Variants in SLC13A4 observed in about 807,000 individuals in gnomAD.
The protein encoded by SLC13A4 is solute carrier family 13 member 4, also known as Na(+)/sulfate cotransporter SUT-1.
SLC13A4 carries 28 observed loss-of-function variants against 72.7 expected under a neutral mutation model. The ratio of observed to expected loss-of-function variants is 0.39; its 90% CI spans 0.29 to 0.53. The LOEUF (loss-of-function observed/expected upper bound fraction) is 0.53, where lower values mean the gene tolerates loss of function less well. Ranked by LOEUF, SLC13A4 falls within the 20% of genes least tolerant of loss-of-function variation. The pLI, the probability that SLC13A4 is intolerant of heterozygous loss-of-function variation, is 0.78. For missense variants in SLC13A4, 653 were observed against 788.0 expected (o/e 0.83, Z 2.05); for synonymous variants, 312 against 325.5 (o/e 0.96, Z 0.45).
At chr7:135,682,558 G>C (rs796836253) in intron 15 of SLC13A4, among the ~76,000 whole-genome samples, 6 of 152,376 alleles carry the variant, frequency 3.9e-5, no homozygotes, top group African/African-American at 1.4e-4. Flanking sequence ...CTGCCGTCTG[G>C]TCGGGGCCCC....
chr7:135,694,276 C>A (rs1393718009), intron 9 of SLC13A4, 38 bp from the exon 10 acceptor site: 2 of 1,259,366 alleles, frequency 1.6e-6, no homozygotes, highest in East Asian at 4.6e-5. Context: ...AAAGAAAACA[C>A]ACTTCTGAGG....
In SLC13A4 at chr7:135,694,257, C is replaced by G; in HGVS notation, c.1020-19G>C. ...TTTAAAACTGAGAAGGGAGAATGAG[C>G]AAATGATTAAAGAAAACACACTTCT... On this transcript the variant is annotated intron_variant, in intron 9 of 15. Transcript: ENST00000682651. 1 of 1,455,806 alleles carries G rather than the reference C, an allele frequency of 6.9e-7. No homozygotes were observed. The highest frequency in any genetic ancestry group is 9.6e-7 in the Non-Finnish European group (1 of 1,039,052). 90.2% of individuals were successfully genotyped at this position (1,455,806 alleles called of 1,614,324 possible). A position where few individuals can be genotyped will look rare whatever the true frequency, so the allele number is the denominator to read the frequency against.
At chr7:135,705,884 G>T (rs77888875) in intron 4 of SLC13A4, 7,602 of 564,618 alleles carry the variant, frequency 0.013, 204 homozygotes, top group East Asian at 0.077. Flanking sequence ...TTGAGCATTT[G>T]GGGGAAAAGA....
chr7:135,727,743 T>G lies in SLC13A4; in HGVS notation c.-247A>C. On this transcript the variant is annotated 5_prime_UTR_variant, in exon 1 of 16. Coordinates refer to ENST00000682651, the MANE Select transcript of SLC13A4 (RefSeq NM_001318192.2). ...CGTTTTGTGACCAGCAAAAAGGAAC[T>G]GGGAAAGGATGATAAACGGGGGCAT... The G allele has an allele frequency of 4.4e-6, 2 of 457,684 alleles. No homozygotes were observed. Among genetic ancestry groups the G allele is most frequent in the Non-Finnish European group, 7.7e-6 (2 of 258,704 alleles). The allele number at this position is 457,684 out of a possible 1,614,324, so 28.4% of individuals were successfully genotyped here. A position where few individuals can be genotyped will look rare whatever the true frequency, so the allele number is the denominator to read the frequency against.
intron 3 of SLC13A4, chr7:135,707,766 T>TC (rs1796200521): frequency 5.6e-6 from 1 of 179,834 alleles, no homozygotes; most frequent in Non-Finnish European, 1.2e-5. Flanking sequence ...GACAGCCACT[T>TC]CCGGTCCAGC....
intron 15 of SLC13A4, 124 bp from the exon 16 acceptor site, chr7:135,681,824 G>T: frequency 7.3e-7 from 1 of 1,369,320 alleles, no homozygotes; most frequent in South Asian, 1.4e-5. Context: ...TGCTGCCTGG[G>T]GTGCTCTAGC....
intron 10 of SLC13A4, 29 bp downstream of exon 10, chr7:135,694,108 A>T: frequency 7.6e-7 from 1 of 1,322,662 alleles, no homozygotes; most frequent in Non-Finnish European, 1.1e-6. Flanking sequence ...CTGCTGGAGA[A>T]GGAGGGAAGA....
chr7:135,699,358 A>C lies in SLC13A4; in HGVS notation c.899+6T>G, dbSNP rs772955878. 1.0e-5 allele frequency: 16 copies of C among 1,606,728 alleles called. No individual in the cohort carries two copies. Among genetic ancestry groups the C allele is most frequent in the Non-Finnish European group, 1.4e-5 (16 of 1,175,912 alleles). ...TAAATATTTGTTGACCAAGTGAATC[A>C]CTTACTTGTTGAAGTGTTCCAGGAA... On this transcript the variant is annotated splice_donor_region_variant and intron_variant, in intron 8 of 15. Coordinates refer to ENST00000682651, the MANE Select transcript of SLC13A4 (RefSeq NM_001318192.2).
chr7:135,698,716 C>T (rs1795961763), intron 8 of SLC13A4, among the ~76,000 whole-genome samples: 1 of 151,124 alleles, frequency 6.6e-6, no homozygotes, highest in African/African-American at 2.4e-5. Context: ...CTCACTGCAA[C>T]CTCTGCTTCC....
chr7:135,707,872 C>T (rs1796203561), intron 3 of SLC13A4: 2 of 437,190 alleles, frequency 4.6e-6, no homozygotes, highest in Non-Finnish European at 8.1e-6. Flanking sequence ...AGCTGCTGCC[C>T]TTGCAGCCTA....
At chr7:135,697,626 C>A (rs1284532388) in intron 8 of SLC13A4, among the ~76,000 whole-genome samples, 2 of 143,604 alleles carry the variant, frequency 1.4e-5, no homozygotes, top group African/African-American at 5.2e-5. Flanking sequence ...AATGAGTTTT[C>A]AAAACTATAA....
At chr7:135,726,536 GGGACAA>G (rs1261027782) in intron 1 of SLC13A4, among the ~76,000 whole-genome samples, 5 of 149,624 alleles carry the variant, frequency 3.3e-5, no homozygotes, top group African/African-American at 1.2e-4. Flanking sequence ...CTGGGGGAAG[GGGACAA>G]GCCACAGACA....
At chr7:135,702,002 A>C in intron 6 of SLC13A4, 1 of 390,632 alleles carries the variant, frequency 2.6e-6, no homozygotes, top group Non-Finnish European at 4.5e-6. Context: ...CTGCCCTTAG[A>C]GGAGAGCCAG....
At chr7:135,725,258 G>A (rs1039473795) in intron 1 of SLC13A4, among the ~76,000 whole-genome samples, 7 of 152,160 alleles carry the variant, frequency 4.6e-5, no homozygotes, top group East Asian at 1.9e-4. Context: ...CGTTTTCCAC[G>A]CAGTTTGACC....
intron 6 of SLC13A4, 118 bp downstream of exon 6, chr7:135,702,727 G>C: frequency 1.2e-6 from 1 of 840,756 alleles, no homozygotes; most frequent in South Asian, 1.4e-5. Flanking sequence ...TCACTGAAAG[G>C]AACTCTAAGG....
chr7:135,683,885 C>A (rs1239952471), intron 15 of SLC13A4: 19 of 753,182 alleles, frequency 2.5e-5, no homozygotes, highest in Non-Finnish European at 3.1e-5. Flanking sequence ...TTCCAGCTTT[C>A]TCTACCTAGG....
chr7:135,708,752 A>G (rs940071283), intron 2 of SLC13A4, among the ~76,000 whole-genome samples: 1 of 151,980 alleles, frequency 6.6e-6, no homozygotes, highest in East Asian at 1.9e-4. Flanking sequence ...TAAAGACAAA[A>G]TTACCCTTAA....
intron 13 of SLC13A4, among the ~76,000 whole-genome samples, chr7:135,689,772 T>C (rs758744118): frequency 1.3e-5 from 2 of 152,118 alleles, no homozygotes; most frequent in Non-Finnish European, 2.9e-5. Context: ...AGAAGTGCCA[T>C]GGAGGGGAAT....
intron 1 of SLC13A4, 142 bp downstream of exon 1, chr7:135,727,256 C>T: frequency 1.8e-6 from 2 of 1,137,958 alleles, no homozygotes; most frequent in South Asian, 1.6e-5. Context: ...TTGGTTTCCT[C>T]TGGAAAAATC....
Sources: gnomAD v4.1 joint callset for allele counts (sites outside exome capture counted in the v4.1 genomes callset) on GRCh38, gnomAD v4.1.1 for gene constraint, MANE v1.5 for transcripts, NCBI Gene and HGNC (gene_info 2026-07-23, HGNC 2026-07-21) for gene names.